The following ZDHHC14 variants were observed in gnomAD, a reference collection of about 807,000 sequenced individuals.
ZDHHC14 encodes the protein zDHHC palmitoyltransferase 14.
Under a neutral mutation model 47.7 loss-of-function variants are expected in ZDHHC14, and 16 were observed. That is an observed-to-expected ratio of 0.34 (90% CI 0.23 to 0.51). The LOEUF is 0.51. Among genes scored for constraint, ZDHHC14 ranks in the 20% least tolerant of loss-of-function variants. The probability of loss-of-function intolerance (pLI) is 0.97; values close to 1 mark genes in which losing one functional copy is unlikely to be tolerated. For missense variants in ZDHHC14, 515 were observed against 662.5 expected, an observed-to-expected ratio of 0.78 and a Z score of 2.44; for synonymous variants, 293 against 278.9, an observed-to-expected ratio of 1.05 and a Z score of -0.50.
intron 1 of ZDHHC14, among the ~76,000 whole-genome samples, chr6:157,387,886 C>A (rs1169115228): frequency 6.6e-6 from 1 of 152,112 alleles, no homozygotes; most frequent in East Asian, 1.9e-4. Flanking sequence ...TTAGTTTTTG[C>A]ATTTTGTAAA....
intron 1 of ZDHHC14, among the ~76,000 whole-genome samples, chr6:157,478,483 GT>G (rs1379793372): frequency 6.6e-6 from 1 of 152,074 alleles, no homozygotes; most frequent in Non-Finnish European, 1.5e-5. Flanking sequence ...TAAGACTTCT[GT>G]TTTCACATTC....
intron 1 of ZDHHC14, among the ~76,000 whole-genome samples, chr6:157,388,635 C>CAGTTCATCACTA (rs758518268): frequency 8.5e-5 from 13 of 152,144 alleles, no homozygotes; most frequent in Non-Finnish European, 1.9e-4. Flanking sequence ...TGCTTTTGTT[C>CAGTTCATCACTA]AGTTCATCAC....
intron 2 of ZDHHC14, among the ~76,000 whole-genome samples, chr6:157,546,281 A>G (rs1462009766): frequency 6.6e-6 from 1 of 152,220 alleles, no homozygotes; most frequent in Admixed American, 6.5e-5. Context: ...ATGTTGTGCT[A>G]TCTGGCTAAA....
intron 2 of ZDHHC14, chr6:157,592,640 T>A: frequency 1.5e-6 from 1 of 651,228 alleles, no homozygotes; most frequent in Non-Finnish European, 2.0e-6. Context: ...ACTCCCCAGC[T>A]GTGTCTCCCA....
At chr6:157,482,763 G>C (rs1383565416) in intron 1 of ZDHHC14, among the ~76,000 whole-genome samples, 4 of 146,210 alleles carry the variant, frequency 2.7e-5, no homozygotes, top group Admixed American at 2.1e-4. Context: ...TTTTTTTTGA[G>C]ATGGAGTCTT....
intron 1 of ZDHHC14, among the ~76,000 whole-genome samples, chr6:157,515,441 C>G (rs1017816382): frequency 1.3e-5 from 2 of 148,158 alleles, no homozygotes; most frequent in Admixed American, 6.7e-5. Context: ...CTTCATTTCT[C>G]TTTCTTTTTC....
rs542410503 is a variant in ZDHHC14 at position 157,427,716 on chromosome 6, G to T, written c.245+45450G>T. Among the ~76,000 whole-genome samples, 1 of 152,208 alleles carries T rather than the reference G, an allele frequency of 6.6e-6. No homozygotes were observed. The highest frequency in any genetic ancestry group is 2.4e-5 in the African/African-American group (1 of 41,520). On this transcript the variant is annotated intron_variant, in intron 1 of 8. Coordinates refer to ENST00000359775, the MANE Select transcript of ZDHHC14 (RefSeq NM_024630.3). This position sits in a 1 kb window ranked among gnomAD's most constrained non-coding sequence, Gnocchi z 4.4. The stretch of plus-strand genomic sequence containing the variant: ...TTTTCTTTTCAGAAATGGCAGATGC[G>T]CTAGGGCTGTTCCTCCTGGAGTAGT...
At chr6:157,449,546 C>A (rs922588631) in intron 1 of ZDHHC14, among the ~76,000 whole-genome samples, 1 of 152,184 alleles carries the variant, frequency 6.6e-6, no homozygotes, top group African/African-American at 2.4e-5. Flanking sequence ...TCAATCCTTT[C>A]CCCTTCCCCA....
intron 3 of ZDHHC14, among the ~76,000 whole-genome samples, chr6:157,602,960 A>G (rs763975792): frequency 1.3e-5 from 2 of 152,240 alleles, no homozygotes; most frequent in African/African-American, 4.8e-5. Context: ...TTCGGGTCCA[A>G]GCCACCAGTC....
At position 157,657,818 on chromosome 6, in the gene ZDHHC14, C is replaced by A. The variant is rs1778171107; in HGVS notation, c.1068+4191C>A. Among the ~76,000 whole-genome samples the A allele has an allele frequency of 2.0e-5, 3 of 152,194 alleles. No homozygotes were observed. The South Asian group carries it at 6.2e-4, about 32-fold the overall frequency. ...TGCTAAATGCTTTCGAGTCAGCCAG[C>A]AGGCTTTAAGATGCCTTTTTATCCC... On this transcript the variant is annotated intron_variant, in intron 8 of 8. Transcript: ENST00000359775.
chr6:157,520,511 G>A (rs1780875845), intron 1 of ZDHHC14, among the ~76,000 whole-genome samples: 1 of 152,308 alleles, frequency 6.6e-6, no homozygotes, highest in South Asian at 2.1e-4. Context: ...CAATATGTTT[G>A]CATGGTTTGA....
At chr6:157,542,880 A>T in intron 2 of ZDHHC14, 135 bp downstream of exon 2, 1 of 1,117,120 alleles carries the variant, frequency 9.0e-7, no homozygotes, top group Non-Finnish European at 1.2e-6. Context: ...AGCGTTCCTT[A>T]GCTCGCTGGG....
chr6:157,496,030 T>A (rs1407678679), intron 1 of ZDHHC14, among the ~76,000 whole-genome samples: 4 of 152,224 alleles, frequency 2.6e-5, no homozygotes, highest in Admixed American at 2.6e-4. Context: ...TATTTAAATG[T>A]GCTTTTGGTC....
chr6:157,458,848 G>GTTTTTTTTTTTTTTTTT (rs1778990291), intron 1 of ZDHHC14, among the ~76,000 whole-genome samples: 12 of 68,766 alleles, frequency 1.7e-4, no homozygotes, highest in Admixed American at 3.9e-4. Context: ...AATGTGGGTG[G>GTTTTTTTTTTTTTTTTT]ATTTTTTTTT....
intron 1 of ZDHHC14, among the ~76,000 whole-genome samples, chr6:157,482,952 C>A (rs1418221953): frequency 1.3e-5 from 2 of 151,978 alleles, no homozygotes; most frequent in African/African-American, 4.8e-5. Flanking sequence ...CCATGTTGGC[C>A]AAGCTGGTCT....
chr6:157,552,178 C>T (rs1252372166), intron 2 of ZDHHC14, among the ~76,000 whole-genome samples: 2 of 152,140 alleles, frequency 1.3e-5, no homozygotes, highest in Non-Finnish European at 2.9e-5. Flanking sequence ...CAATGACTCA[C>T]TGGAATATTA....
intron 1 of ZDHHC14, among the ~76,000 whole-genome samples, chr6:157,471,435 C>G (rs1350935128): frequency 6.6e-6 from 1 of 152,220 alleles, no homozygotes; most frequent in African/African-American, 2.4e-5. Flanking sequence ...TGCCCCCTCC[C>G]CATCCAGAAC....
At chr6:157,390,257 C>A (rs1777395882) in intron 1 of ZDHHC14, among the ~76,000 whole-genome samples, 1 of 151,938 alleles carries the variant, frequency 6.6e-6, no homozygotes, top group Non-Finnish European at 1.5e-5. Context: ...CTGATGAGAC[C>A]TTAGTTGTTA....
chr6:157,444,969 A>T (rs905491175), intron 1 of ZDHHC14, among the ~76,000 whole-genome samples: 30 of 152,078 alleles, frequency 2.0e-4, no homozygotes, highest in African/African-American at 7.2e-4. Flanking sequence ...GGCTCAAAAC[A>T]TAACAGGGAT....
Sources: gnomAD v4.1 joint callset for allele counts (sites outside exome capture counted in the v4.1 genomes callset) on GRCh38, gnomAD v4.1.1 for gene constraint, Gnocchi (gnomAD v3.1) non-coding constraint, MANE v1.5 for transcripts, NCBI Gene and HGNC (gene_info 2026-07-23, HGNC 2026-07-21) for gene names.